Variants in CYP3A5 observed in about 807,000 individuals in gnomAD.
CYP3A5 encodes cytochrome P450 family 3 subfamily A member 5, also known as cytochrome P450 3A5.
CYP3A5 carries 51 observed loss-of-function variants against 55.9 expected under a neutral mutation model. That is an observed-to-expected ratio of 0.91 (90% CI 0.73 to 1.15). The LOEUF (loss-of-function observed/expected upper bound fraction) is 1.15, where lower values mean the gene tolerates loss of function less well. Ranked by LOEUF, CYP3A5 falls within the 50% of genes most tolerant of loss-of-function variation. The pLI is 0.00. For missense variants in CYP3A5, 533 were observed against 596.6 expected (o/e 0.89, Z 1.11); for synonymous variants, 196 against 213.9 (o/e 0.92, Z 0.73).
At chr7:99,678,176 G>A (rs904934301) in intron 1 of CYP3A5, among the ~76,000 whole-genome samples, 3 of 152,210 alleles carry the variant, frequency 2.0e-5, no homozygotes, top group East Asian at 1.9e-4. Flanking sequence ...TGTAGTGACC[G>A]GCCCACAACA....
At chr7:99,658,569 C>T (rs946985632) in intron 10 of CYP3A5, among the ~76,000 whole-genome samples, 3 of 152,078 alleles carry the variant, frequency 2.0e-5, no homozygotes, top group African/African-American at 7.2e-5. Context: ...CTTGGAGTTG[C>T]TCTTCTCGAG....
At chr7:99,649,331 A>G (rs1450902016) in intron 12 of CYP3A5, among the ~76,000 whole-genome samples, 2 of 152,200 alleles carry the variant, frequency 1.3e-5, no homozygotes, top group Admixed American at 1.3e-4. Flanking sequence ...AGAGTTGCAT[A>G]TTAAATACAC....
intron 4 of CYP3A5, chr7:99,670,771 G>A (rs886456057): frequency 6.6e-6 from 1 of 152,154 alleles, no homozygotes; most frequent in African/African-American, 2.4e-5. Flanking sequence ...AGAACACGAA[G>A]AGTAAAATTA....
At chr7:99,674,404 A>G (rs1342591392) in intron 3 of CYP3A5, 129 bp downstream of exon 3, 1 of 617,270 alleles carries the variant, frequency 1.6e-6, no homozygotes, top group Middle Eastern at 2.9e-4. Flanking sequence ...CTTTCAGAGA[A>G]CCTCTCTCTG....
chr7:99,652,526 G>T (rs1809296653), intron 11 of CYP3A5, 27 bp downstream of exon 11: 1 of 1,531,266 alleles, frequency 6.5e-7, no homozygotes, highest in Non-Finnish European at 8.9e-7. Context: ...GGGTCAGGGT[G>T]AGCTCCATTT....
At chr7:99,666,193 G>C (rs1562995961) in intron 6 of CYP3A5, among the ~76,000 whole-genome samples, 1 of 152,188 alleles carries the variant, frequency 6.6e-6, no homozygotes, top group Non-Finnish European at 1.5e-5. Context: ...TGAAGGGATT[G>C]AAATTGTTCC....
At chr7:99,676,614 CTGA>C (rs775476788) in intron 1 of CYP3A5, 13 of 1,257,982 alleles carry the variant, frequency 1.0e-5, no homozygotes, top group Non-Finnish European at 1.3e-5. Context: ...GTCTTTTGCA[CTGA>C]TGATGAGATT....
chr7:99,658,295 A>G (rs1002665541), intron 10 of CYP3A5, among the ~76,000 whole-genome samples: 5 of 152,122 alleles, frequency 3.3e-5, no homozygotes, highest in Admixed American at 6.5e-5. Flanking sequence ...AAAATCTCTC[A>G]GCATTTGCTT....
intron 11 of CYP3A5, among the ~76,000 whole-genome samples, chr7:99,651,332 A>T (rs1170036709): frequency 2.0e-5 from 3 of 152,220 alleles, no homozygotes; most frequent in African/African-American, 7.2e-5. Flanking sequence ...TTATGGATTT[A>T]TATAAATCAT....
chr7:99,656,732 G>A (rs1044108946), intron 10 of CYP3A5, among the ~76,000 whole-genome samples: 29 of 152,144 alleles, frequency 1.9e-4, no homozygotes, highest in Non-Finnish European at 2.5e-4. Flanking sequence ...TGGTTGGTAA[G>A]CTATTAATTA....
intron 1 of CYP3A5, among the ~76,000 whole-genome samples, chr7:99,678,824 C>T (rs1478275324): frequency 6.6e-6 from 1 of 152,126 alleles, no homozygotes; most frequent in Non-Finnish European, 1.5e-5. Flanking sequence ...ATTGTGGTTC[C>T]CTGCTCTTAA....
chr7:99,675,633 T>TCCCCA (rs368134947), intron 2 of CYP3A5, among the ~76,000 whole-genome samples: 85 of 5,010 alleles, frequency 0.017, 6 homozygotes, highest in African/African-American at 0.024. Context: ...TTTTCTCTCC[T>TCCCCA]CTCCTCTCCT....
chr7:99,662,178 A>G lies in CYP3A5; in HGVS notation c.865+638T>C, dbSNP rs1810517106. ...TCCTGCTCTCTAGAACCAATTGTTAAATATTCAAAAATTTTGTGAGATGGT... is the reference window on the plus strand; with the variant it reads ...TCCTGCTCTCTAGAACCAATTGTTAGATATTCAAAAATTTTGTGAGATGGT... On this transcript the variant is annotated intron_variant, in intron 9 of 12. Transcript: ENST00000222982. The surrounding 1 kb of genome is among the most constrained non-coding windows in gnomAD (Gnocchi z 4.3). Among the ~76,000 whole-genome samples the G allele has an allele frequency of 6.6e-6, 1 of 152,200 alleles. No homozygotes were observed. Among genetic ancestry groups the G allele is most frequent in the Non-Finnish European group, 1.5e-5 (1 of 68,038 alleles).
At chr7:99,657,514 A>G (rs1450854986) in intron 10 of CYP3A5, among the ~76,000 whole-genome samples, 1 of 152,174 alleles carries the variant, frequency 6.6e-6, no homozygotes, top group African/African-American at 2.4e-5. Flanking sequence ...TATGTGGTTA[A>G]TTTTGGAATA....
chr7:99,673,334 T>C (rs1267654832), intron 3 of CYP3A5, among the ~76,000 whole-genome samples: 1 of 152,208 alleles, frequency 6.6e-6, no homozygotes, highest in Admixed American at 6.5e-5. Context: ...CTGCACCTCA[T>C]CCACTGCTCT....
At chr7:99,674,063 A>G (rs1563002608) in intron 3 of CYP3A5, among the ~76,000 whole-genome samples, 1 of 152,234 alleles carries the variant, frequency 6.6e-6, no homozygotes. Context: ...AAGGCTATGA[A>G]GAGAGGATTC....
chr7:99,654,527 T>G (rs185161453), intron 10 of CYP3A5, among the ~76,000 whole-genome samples: 246 of 152,384 alleles, frequency 1.6e-3, no homozygotes, highest in African/African-American at 5.5e-3. Context: ...TTGTGAATAG[T>G]GCTGCAATAA....
At chr7:99,652,421 A>T (rs977771298) in intron 11 of CYP3A5, 132 bp downstream of exon 11, 12 of 639,784 alleles carry the variant, frequency 1.9e-5, no homozygotes, top group African/African-American at 5.5e-5. Context: ...GATAATTATC[A>T]CTTTTTTGTG....
chr7:99,679,798 A>G (rs1266886364), intron 1 of CYP3A5, 28 bp downstream of exon 1: 1 of 1,612,398 alleles, frequency 6.2e-7, no homozygotes, highest in Non-Finnish European at 8.5e-7. Flanking sequence ...CCAAGGAAAC[A>G]AAGAGAGGAG....
Sources: gnomAD v4.1 joint callset for allele counts (sites outside exome capture counted in the v4.1 genomes callset) on GRCh38, gnomAD v4.1.1 for gene constraint, Gnocchi (gnomAD v3.1) non-coding constraint, MANE v1.5 for transcripts, NCBI Gene and HGNC (gene_info 2026-07-23, HGNC 2026-07-21) for gene names.